The following ASXL1 variants were observed in gnomAD, a reference collection of about 807,000 sequenced individuals.
The protein encoded by ASXL1 is ASXL transcriptional regulator 1, also known as polycomb group protein ASXL1.
In ASXL1, 65 loss-of-function variants were observed where a neutral mutation model predicts 89.1. The observed-to-expected ratio is 0.73, with a 90% CI of 0.60 to 0.90. ASXL1 has a LOEUF of 0.90. Ranked by LOEUF, ASXL1 falls within the 40% of genes least tolerant of loss-of-function variation. ASXL1 has a pLI of 0.00. For missense variants in ASXL1, 1,786 were observed against 1,942.9 expected, an observed-to-expected ratio of 0.92 and a Z score of 1.52; for synonymous variants, 739 against 746.9, an observed-to-expected ratio of 0.99 and a Z score of 0.17.
At chr20:32,365,972 A>G (rs2048197359) in intron 1 of ASXL1, among the ~76,000 whole-genome samples, 1 of 152,110 alleles carries the variant, frequency 6.6e-6, no homozygotes, top group African/African-American at 2.4e-5. Context: ...TAAAATACAA[A>G]AATTAGTGTG....
Position 32,371,430 on chromosome 20 carries a change from C to T in ASXL1, c.252+2307C>T, listed in dbSNP as rs143236963. On this transcript the variant is annotated intron_variant, in intron 4 of 12. Coordinates refer to ENST00000375687, the MANE Select transcript of ASXL1 (RefSeq NM_015338.6). Reference sequence around the variant, plus strand: ...CCTTCTGAGTAGCTAGGACTTCAGGCGCATACCACTATGCCTGGCTAATTT... The same window carrying T: ...CCTTCTGAGTAGCTAGGACTTCAGGTGCATACCACTATGCCTGGCTAATTT... Among the ~76,000 whole-genome samples the T allele has an allele frequency of 1.5e-3, 227 of 151,956 alleles. 2 individuals are homozygous for T. Among genetic ancestry groups the T allele is most frequent in the African/African-American group, 5.0e-3 (209 of 41,434 alleles).
rs761874161 is a variant in ASXL1 at position 32,379,360 on chromosome 20, TTTATTA to T, written c.252+10255_252+10260del. ...CCACCACGCCCAACTAATTTATTTA[TTTATTA>T]TTATTATTATTATTATTTTTTAGTA... On this transcript the variant is annotated intron_variant, in intron 4 of 12. Coordinates refer to ENST00000375687, the MANE Select transcript of ASXL1 (RefSeq NM_015338.6). Among the ~76,000 whole-genome samples the T allele has an allele frequency of 2.2e-4, 14 of 63,954 alleles. No homozygotes were observed. The South Asian group carries it at 7.6e-3, about 35-fold the overall frequency. The allele number at this position is 63,954 out of a possible 152,430, so 42.0% of individuals were successfully genotyped here.
Position 32,436,447 on chromosome 20 carries a change from A to G in ASXL1, c.3735A>G (p.Glu1245=). The change falls in exon 13 of 13, where the codon GAA becomes GAG. Residue 1245 remains glutamate, a synonymous_variant. Coordinates refer to ENST00000375687, the MANE Select transcript of ASXL1 (RefSeq NM_015338.6). ...FSSFSCEDQK[E]VRAMSQDSNS... is the part of the protein sequence containing the mutation. ...CCTTTAGTTGTGAAGATCAGAAGGA[A>G]GTCCGTGCTATGTCACAGGACAGTA... 1 of 1,614,140 alleles carries G rather than the reference A, an allele frequency of 6.2e-7. No individual in the cohort carries two copies. The highest frequency in any genetic ancestry group is 1.3e-5 in the African/African-American group (1 of 75,070).
intron 4 of ASXL1, among the ~76,000 whole-genome samples, chr20:32,404,118 C>A (rs554701807): frequency 2.6e-5 from 4 of 152,222 alleles, no homozygotes; most frequent in African/African-American, 9.6e-5. Flanking sequence ...GAACTAATTT[C>A]TTCTATCTAA....
rs773826381 is a variant in ASXL1, at chr20:32,437,056, A to C, written c.4344A>C (p.Gln1448His). 3 of 1,613,978 alleles carry C rather than the reference A, an allele frequency of 1.9e-6. No individual in the cohort carries two copies. Among genetic ancestry groups the C allele is most frequent in the East Asian group, 2.2e-5 (1 of 44,894 alleles). The change falls in exon 13 of 13, where the codon CAA (glutamine) becomes CAC (histidine). Residue 1448 changes from glutamine (Q) to histidine (H), a missense_variant. Physicochemically the swap from Gln to His is conservative, Grantham distance 24. Transcript: ENST00000375687. ...TTTATGGGAAGCTTTCTAAACTCCAACTGAGTTCCACCAGCTTTAATTATT... is the reference window on the plus strand; with the variant it reads ...TTTATGGGAAGCTTTCTAAACTCCACCTGAGTTCCACCAGCTTTAATTATT... ...QAFYGKLSKL[Q>H]LSSTSFNYSS...
chr20:32,427,479 TC>T (rs1169400665), intron 4 of ASXL1: 1 of 161,450 alleles, frequency 6.2e-6, no homozygotes, highest in African/African-American at 2.4e-5. Context: ...CCATCTGCCC[TC>T]GTGCCCTCTC....
chr20:32,428,486 C>T, intron 6 of ASXL1, 64 bp downstream of exon 6: 1 of 1,428,792 alleles, frequency 7.0e-7, no homozygotes, highest in Non-Finnish European at 9.9e-7. Context: ...CAAGATCCCT[C>T]CTTCTCCTGT....
intron 4 of ASXL1, among the ~76,000 whole-genome samples, chr20:32,390,839 T>G (rs2048658373): frequency 6.6e-6 from 1 of 152,210 alleles, no homozygotes; most frequent in Admixed American, 6.5e-5. Context: ...TTTTACTTAG[T>G]GTGAAGTATT....
chr20:32,361,179 TACA>T (rs2048104188), intron 1 of ASXL1, among the ~76,000 whole-genome samples: 1 of 152,218 alleles, frequency 6.6e-6, no homozygotes, highest in Non-Finnish European at 1.5e-5. Flanking sequence ...ACCCGGTCTC[TACA>T]ACAACAGCAA....
chr20:32,412,067 C>G (rs1003628762), intron 4 of ASXL1, among the ~76,000 whole-genome samples: 5 of 152,018 alleles, frequency 3.3e-5, no homozygotes, highest in Non-Finnish European at 5.9e-5. Context: ...CATCCATTTT[C>G]CTGGGGAGCT....
At chr20:32,377,968 GACTC>G (rs1412270211) in intron 4 of ASXL1, among the ~76,000 whole-genome samples, 2 of 132,572 alleles carry the variant, frequency 1.5e-5, no homozygotes, top group Non-Finnish European at 3.3e-5. Context: ...ATAAAGTTTT[GACTC>G]TGTGTGTGTG....
At chr20:32,388,023 T>C (rs1391754545) in intron 4 of ASXL1, among the ~76,000 whole-genome samples, 1 of 152,204 alleles carries the variant, frequency 6.6e-6, no homozygotes, top group African/African-American at 2.4e-5. Context: ...TCCTGTTGGC[T>C]CTATCTTCAG....
intron 4 of ASXL1, among the ~76,000 whole-genome samples, chr20:32,375,017 C>T (rs924006807): frequency 2.6e-5 from 4 of 152,056 alleles, no homozygotes; most frequent in African/African-American, 9.7e-5. Context: ...AGGCCAAGGT[C>T]GAGGGGACAT....
At chr20:32,432,663 G>A in intron 10 of ASXL1, 1 of 527,956 alleles carries the variant, frequency 1.9e-6, no homozygotes, top group Non-Finnish European at 3.4e-6. Flanking sequence ...TCTTTTGTTT[G>A]TTGTTTTGCT....
At chr20:32,374,390 C>T (rs1436905449) in intron 4 of ASXL1, among the ~76,000 whole-genome samples, 1 of 152,032 alleles carries the variant, frequency 6.6e-6, no homozygotes, top group African/African-American at 2.4e-5. Flanking sequence ...AGCGCCTGGG[C>T]TTAAGGAATC....
At position 32,436,844 on chromosome 20, in the gene ASXL1, C is replaced by T. The variant is rs2145392693; in HGVS notation, c.4132C>T (p.Leu1378Phe). The T allele has an allele frequency of 6.2e-7, 1 of 1,614,184 alleles. No homozygotes were observed. The highest frequency in any genetic ancestry group is 8.5e-7 in the Non-Finnish European group (1 of 1,180,034). Residue 1378 changes from leucine (L) to phenylalanine (F), a missense_variant, in exon 13 of 13, where the codon CTT becomes TTT. This residue lies in a region of ASXL1 where 1,418 missense variants were observed against 1,427.8 expected (regional missense o/e 0.99). Transcript: ENST00000375687. The stretch of plus-strand genomic sequence containing the variant: ...TGAGAAGACTTTTGTGGGGGGTCCT[C>T]TTAAGGCAAATGCCGAGAACAGGAA... ...KNEKTFVGGP[L>F]KANAENRKAT...
At position 32,418,809 on chromosome 20, in the gene ASXL1, CTTTTTTTTTTTTTTTTTTTTTTTT is replaced by C. The variant is rs71338437; in HGVS notation, c.253-9301_253-9278del. Among the ~76,000 whole-genome samples the C allele has an allele frequency of 2.7e-4, 15 of 55,748 alleles. No individual in the cohort carries two copies. In the South Asian group the frequency reaches 3.5e-3, roughly 13 times the overall value. 36.6% of individuals were successfully genotyped at this position (55,748 alleles called of 152,430 possible). A position where few individuals can be genotyped will look rare whatever the true frequency, so the allele number is the denominator to read the frequency against. ...AAATCAAAATGGGAAGAATTGACATCTTTTTTTTTTTTTTTTTTTTTTTTTTTTTTTTTTTTTTTTTGAGACGGA... is the reference window on the plus strand; with the variant it reads ...AAATCAAAATGGGAAGAATTGACATCTTTTTTTTTTTTTTTTTGAGACGGA... On this transcript the variant is annotated intron_variant, in intron 4 of 12. Coordinates refer to ENST00000375687, the MANE Select transcript of ASXL1 (RefSeq NM_015338.6).
In ASXL1 at chr20:32,428,617, TCTTTCTTTAC is replaced by T. The variant is rs1172908570; in HGVS notation, c.471+199_471+208del. 5 of 531,688 alleles carry T rather than the reference TCTTTCTTTAC, an allele frequency of 9.4e-6. No homozygotes were observed. The East Asian group carries it at 1.3e-4, about 14-fold the overall frequency. The allele number at this position is 531,688 out of a possible 1,614,324, so 32.9% of individuals were successfully genotyped here. A position where few individuals can be genotyped will look rare whatever the true frequency, so the allele number is the denominator to read the frequency against. ...AGGTTTGAGCAGAGTAAGTTTTTTCTCTTTCTTTACCTTGGCTGAGTGATTTTGTTCATTC... is the reference window on the plus strand; with the variant it reads ...AGGTTTGAGCAGAGTAAGTTTTTTCTCTTGGCTGAGTGATTTTGTTCATTC... On this transcript the variant is annotated intron_variant, in intron 6 of 12. Transcript: ENST00000375687.
rs6579019 is a variant in ASXL1 at position 32,425,081 on chromosome 20, G to A, written c.253-3047G>A. ...GCATTCCTAATGCTGTAGTTTAGTT[G>A]AGCTTATTTTGAACTTTTCACAAAC... is the stretch of plus-strand genomic sequence containing the variant. On this transcript the variant is annotated intron_variant, in intron 4 of 12. Transcript: ENST00000375687. 9.5e-3 allele frequency among the ~76,000 whole-genome samples: 1,452 copies of A among 152,218 alleles called. 28 individuals are homozygous for A. The highest frequency in any genetic ancestry group is 0.033 in the African/African-American group (1,367 of 41,524).
Sources: gnomAD v4.1 joint callset for allele counts (sites outside exome capture counted in the v4.1 genomes callset) on GRCh38, gnomAD v4.1.1 for gene constraint, gnomAD v4.1.1 regional missense constraint, MANE v1.5 for transcripts, NCBI Gene and HGNC (gene_info 2026-07-23, HGNC 2026-07-21) for gene names.